SAMD5: variants seen among roughly 807,000 people sequenced by gnomAD.
SAMD5 encodes sterile alpha motif domain-containing protein 5.
SAMD5 carries 13 observed loss-of-function variants against 11.3 expected under a neutral mutation model. The observed-to-expected ratio is 1.15, with a 90% CI of 0.75 to 1.83. The LOEUF (loss-of-function observed/expected upper bound fraction) is 1.83. Among genes scored for constraint, SAMD5 ranks in the 40% most tolerant of loss-of-function variants. The pLI, the probability that SAMD5 is intolerant of heterozygous loss-of-function variation, is 0.00. For synonymous variants in SAMD5, 129 were observed against 111.3 expected, an observed-to-expected ratio of 1.16 and a Z score of -1.00; for missense variants, 255 against 239.1, an observed-to-expected ratio of 1.07 and a Z score of -0.44.
At chr6:147,514,466 T>G (rs983179987) in intron 1 of SAMD5, among the ~76,000 whole-genome samples, 3 of 150,868 alleles carry the variant, frequency 2.0e-5, no homozygotes, top group Admixed American at 2.0e-4. Context: ...TCATAAACAT[T>G]ACATGATGGA....
chr6:147,508,816 A>C lies in SAMD5; in HGVS notation c.-113A>C. 1 of 1,446,508 alleles carries C rather than the reference A, an allele frequency of 6.9e-7. No individual in the cohort carries two copies. Among genetic ancestry groups the C allele is most frequent in the Non-Finnish European group, 9.1e-7 (1 of 1,099,880 alleles). The allele number at this position is 1,446,508 out of a possible 1,614,324, so 89.6% of individuals were successfully genotyped here. A position where few individuals can be genotyped will look rare whatever the true frequency, so the allele number is the denominator to read the frequency against. On this transcript the variant is annotated 5_prime_UTR_variant, in exon 1 of 2. Transcript: ENST00000367474. ...GCCTTTCCTTTAAAAGGAAAACTTT[A>C]CTGCGATACCCTTTTCCCCTTGGAG...
At chr6:147,937,655 G>A in the SAMD5 span, among the ~76,000 whole-genome samples, 1 of 152,168 alleles carries the variant, frequency 6.6e-6, no homozygotes, top group East Asian at 1.9e-4. Flanking sequence ...AGACAACATG[G>A]CCTTTGGAAT....
chr6:147,570,009 G>T lies in SAMD5; in HGVS notation c.*5553G>T, dbSNP rs189824370. 22 of 985,076 alleles carry T rather than the reference G, an allele frequency of 2.2e-5. No individual in the cohort carries two copies. Among genetic ancestry groups the T allele is most frequent in the Non-Finnish European group, 2.5e-5 (21 of 829,806 alleles). The allele number at this position is 985,076 out of a possible 1,614,324, so 61.0% of individuals were successfully genotyped here. On this transcript the variant is annotated 3_prime_UTR_variant, in exon 2 of 2. Transcript: ENST00000367474. ...ATGTCCGCTCTTCAATAAATGTTAC[G>T]GCTTTCACAGCGGTTCCGCCTTGGC...
At chr6:147,547,550 G>A (rs1212965707) in intron 1 of SAMD5, among the ~76,000 whole-genome samples, 3 of 152,220 alleles carry the variant, frequency 2.0e-5, no homozygotes, top group Non-Finnish European at 2.9e-5. Flanking sequence ...GCAATGGTGG[G>A]TTGGATCTTC....
At chr6:147,750,242 T>C in the SAMD5 span, among the ~76,000 whole-genome samples, 1 of 152,244 alleles carries the variant, frequency 6.6e-6, no homozygotes, top group Non-Finnish European at 1.5e-5. Flanking sequence ...AAATAGCATA[T>C]GAAATCTGCT....
At chr6:147,751,287 T>TA in the SAMD5 span, among the ~76,000 whole-genome samples, 1 of 152,246 alleles carries the variant, frequency 6.6e-6, no homozygotes, top group South Asian at 2.1e-4. Flanking sequence ...TTGCTCTTTT[T>TA]ATCTTTCACC....
chr6:147,720,927 C>G (rs1188909086), intron 1 of SAMD5, among the ~76,000 whole-genome samples: 1 of 137,508 alleles, frequency 7.3e-6, no homozygotes, highest in Non-Finnish European at 1.6e-5. Flanking sequence ...CAATTCCCAC[C>G]TATGAGTGAG....
the SAMD5 span, among the ~76,000 whole-genome samples, chr6:147,940,962 CA>C: frequency 2.0e-3 from 297 of 146,332 alleles, no homozygotes; most frequent in African/African-American, 6.4e-3. Context: ...ACTTCATCTC[CA>C]AAAAAAAAAG....
intron 1 of SAMD5, among the ~76,000 whole-genome samples, chr6:147,699,084 A>G (rs1025155553): frequency 6.6e-6 from 1 of 152,066 alleles, no homozygotes; most frequent in Non-Finnish European, 1.5e-5. Flanking sequence ...CTGGTTCTCA[A>G]CACCCCCTGG....
chr6:147,793,501 T>A, the SAMD5 span, among the ~76,000 whole-genome samples: 130 of 152,310 alleles, frequency 8.5e-4, 1 homozygote, highest in East Asian at 0.022. Context: ...TTTAGTTAAT[T>A]AGAACAAGTG....
chr6:147,788,116 A>C, the SAMD5 span, among the ~76,000 whole-genome samples: 4 of 152,212 alleles, frequency 2.6e-5, no homozygotes, highest in African/African-American at 9.6e-5. Flanking sequence ...GGTTTATTGG[A>C]AATGGCAGAC....
chr6:147,853,520 C>A, the SAMD5 span, among the ~76,000 whole-genome samples: 1 of 152,130 alleles, frequency 6.6e-6, no homozygotes, highest in Non-Finnish European at 1.5e-5. Flanking sequence ...AGTATATTTT[C>A]AAAGGTGTGT....
the SAMD5 span, among the ~76,000 whole-genome samples, chr6:147,761,677 A>G: frequency 6.6e-6 from 1 of 152,194 alleles, no homozygotes. Flanking sequence ...GTTAAAAAGT[A>G]AGCTTTTGTA....
chr6:147,781,336 T>A, the SAMD5 span, among the ~76,000 whole-genome samples: 2 of 151,818 alleles, frequency 1.3e-5, no homozygotes, highest in African/African-American at 2.4e-5. Context: ...AAAAAAAAAA[T>A]TGTAGAGACA....
chr6:147,904,957 C>T, the SAMD5 span, among the ~76,000 whole-genome samples: 6 of 150,834 alleles, frequency 4.0e-5, no homozygotes, highest in South Asian at 4.2e-4. Context: ...GGTGCGATCT[C>T]GGCTCACTGC....
the SAMD5 span, among the ~76,000 whole-genome samples, chr6:147,747,244 C>T: frequency 2.0e-5 from 3 of 152,174 alleles, no homozygotes; most frequent in Non-Finnish European, 4.4e-5. Flanking sequence ...GAAGTGCTAC[C>T]GCAGGGATTG....
At chr6:147,773,545 C>T in the SAMD5 span, among the ~76,000 whole-genome samples, 7 of 152,274 alleles carry the variant, frequency 4.6e-5, no homozygotes, top group Middle Eastern at 3.4e-3. Flanking sequence ...CTGGCAGATC[C>T]GGTATCTGGT....
At chr6:147,878,306 G>A in the SAMD5 span, among the ~76,000 whole-genome samples, 1 of 151,646 alleles carries the variant, frequency 6.6e-6, no homozygotes, top group Non-Finnish European at 1.5e-5. Context: ...GAATGAGAGG[G>A]CTCTCTGGAG....
chr6:147,938,514 C>G, the SAMD5 span, among the ~76,000 whole-genome samples: 1 of 152,316 alleles, frequency 6.6e-6, no homozygotes, highest in Non-Finnish European at 1.5e-5. Flanking sequence ...ATGTGATAAG[C>G]TGACACTCTG....
Sources: allele counts gnomAD v4.1 joint callset (sites outside exome capture counted in the v4.1 genomes callset), GRCh38; gene constraint gnomAD v4.1.1; transcripts MANE v1.5; gene names NCBI Gene and HGNC (gene_info 2026-07-23, HGNC 2026-07-21).